Variants in DSCAM observed in about 807,000 individuals in gnomAD.
DSCAM encodes the protein cell adhesion molecule DSCAM.
DSCAM carries 47 observed loss-of-function variants against 217.7 expected under a neutral mutation model. That is an observed-to-expected ratio of 0.22 (90% CI 0.17 to 0.28). The LOEUF is 0.28. DSCAM is among the 10% of genes least tolerant of loss of function. The probability of loss-of-function intolerance (pLI) is 1.00; values close to 1 mark genes in which losing one functional copy is unlikely to be tolerated. For synonymous variants in DSCAM, 1,056 were observed against 1,015.3 expected (o/e 1.04, Z -0.76); for missense variants, 2,080 against 2,618.3 (o/e 0.79, Z 4.49).
chr21:40,547,833 A>G (rs2146147796), intron 3 of DSCAM, among the ~76,000 whole-genome samples: 1 of 152,304 alleles, frequency 6.6e-6, no homozygotes, highest in South Asian at 2.1e-4. Context: ...GTTCCCTGGA[A>G]CAATGGAATG....
intron 3 of DSCAM, among the ~76,000 whole-genome samples, chr21:40,475,467 G>A (rs554137661): frequency 4.9e-4 from 74 of 152,308 alleles, no homozygotes; most frequent in Non-Finnish European, 1.0e-3. Flanking sequence ...TGTGACCTTC[G>A]TCCTGGCCTC....
intron 3 of DSCAM, among the ~76,000 whole-genome samples, chr21:40,666,631 C>T (rs1179904785): frequency 6.6e-6 from 1 of 152,176 alleles, no homozygotes; most frequent in Non-Finnish European, 1.5e-5. Flanking sequence ...GTAAAGCCCC[C>T]GGTGGTTGTT....
At position 40,240,349 on chromosome 21, in the gene DSCAM, GTTTT is replaced by G. The variant is rs749073872; in HGVS notation, c.2356+35744_2356+35747del. ...AGCTACTGCAGTAGCTTCCTCACTG[GTTTT>G]TTTTTTTTTTTTTTTTTTTTGCCTC... On this transcript the variant is annotated intron_variant, in intron 11 of 32. Transcript: ENST00000400454. 1.0e-3 allele frequency among the ~76,000 whole-genome samples: 59 copies of G among 57,728 alleles called. 1 individual carries two copies. Among genetic ancestry groups the G allele is most frequent in the African/African-American group, 2.1e-3 (27 of 12,990 alleles). 37.9% of individuals were successfully genotyped at this position (57,728 alleles called of 152,430 possible).
intron 3 of DSCAM, among the ~76,000 whole-genome samples, chr21:40,554,307 G>C (rs1168788120): frequency 6.6e-6 from 1 of 151,836 alleles, no homozygotes; most frequent in Non-Finnish European, 1.5e-5. Flanking sequence ...GTCTTACTTA[G>C]GTGCAAGATC....
chr21:40,267,057 A>T (rs2070065382), intron 11 of DSCAM, among the ~76,000 whole-genome samples: 1 of 151,820 alleles, frequency 6.6e-6, no homozygotes, highest in African/African-American at 2.4e-5. Flanking sequence ...TGAGGGATAG[A>T]AAACTATATA....
At chr21:40,038,936 A>G (rs1183835273) in intron 32 of DSCAM, among the ~76,000 whole-genome samples, 2 of 149,286 alleles carry the variant, frequency 1.3e-5, no homozygotes, top group South Asian at 2.1e-4. Flanking sequence ...CAAACGCCGC[A>G]TATTCTCACT....
intron 1 of DSCAM, among the ~76,000 whole-genome samples, chr21:40,790,180 CT>C (rs771986567): frequency 2.8e-3 from 355 of 125,382 alleles, no homozygotes; most frequent in East Asian, 4.3e-3. Context: ...TTCTTTCTTT[CT>C]TTTTTTTTTT....
chr21:40,574,154 T>G lies in DSCAM; in HGVS notation c.508+118656A>C, dbSNP rs556552558. ...TTTCTGAGACTGCACGACCCAGATA[T>G]TAAACCTACAAAAAACATTATAAGT... On this transcript the variant is annotated intron_variant, in intron 3 of 32. Transcript: ENST00000400454. 4.1e-4 allele frequency among the ~76,000 whole-genome samples: 63 copies of G among 152,112 alleles called. 1 individual carries two copies. In the South Asian group the frequency reaches 7.5e-3, roughly 18 times the overall value.
At chr21:40,266,106 C>G (rs961481646) in intron 11 of DSCAM, among the ~76,000 whole-genome samples, 1 of 151,956 alleles carries the variant, frequency 6.6e-6, no homozygotes, top group Non-Finnish European at 1.5e-5. Flanking sequence ...ATTATGCATC[C>G]GACAAAGTAC....
Position 40,829,045 on chromosome 21 carries a change from G to A in DSCAM, c.43+17574C>T, listed in dbSNP as rs184054720. Among the ~76,000 whole-genome samples, 388 of 152,296 alleles carry A rather than the reference G, an allele frequency of 2.5e-3. 1 individual carries two copies. Among genetic ancestry groups the A allele is most frequent in the African/African-American group, 8.7e-3 (360 of 41,562 alleles). ...CCTGTCCTACTCCCCTGGGCTGTGG[G>A]AATACTTGAATGCAACACTGCTGTC... On this transcript the variant is annotated intron_variant, in intron 1 of 32. Transcript: ENST00000400454.
chr21:40,617,488 C>G (rs527528171), intron 3 of DSCAM, among the ~76,000 whole-genome samples: 17 of 152,276 alleles, frequency 1.1e-4, no homozygotes, highest in Admixed American at 6.5e-4. Context: ...CAATCTACCC[C>G]CTCCCAGCTC....
chr21:40,640,959 G>A (rs113028176), intron 3 of DSCAM, among the ~76,000 whole-genome samples: 2,752 of 152,120 alleles, frequency 0.018, 96 homozygotes, highest in African/African-American at 0.063. Context: ...TCCTACTTTC[G>A]GAAAGAAATA....
chr21:40,422,263 C>G (rs1411599745), intron 3 of DSCAM, among the ~76,000 whole-genome samples: 1 of 152,170 alleles, frequency 6.6e-6, no homozygotes, highest in Non-Finnish European at 1.5e-5. Flanking sequence ...AGGGCATATA[C>G]CCTAAAAGTC....
chr21:40,069,693 A>G (rs1236804787), intron 27 of DSCAM, among the ~76,000 whole-genome samples: 1 of 152,178 alleles, frequency 6.6e-6, no homozygotes, highest in Non-Finnish European at 1.5e-5. Context: ...ATTACCATCC[A>G]TCAAAAGGTT....
intron 23 of DSCAM, among the ~76,000 whole-genome samples, 155 bp downstream of exon 23, chr21:40,085,447 T>C (rs2089519325): frequency 6.6e-6 from 1 of 152,246 alleles, no homozygotes; most frequent in African/African-American, 2.4e-5. Context: ...TTTAATTATA[T>C]TTTGCAAAAT....
chr21:40,552,171 A>G (rs9976553), intron 3 of DSCAM, among the ~76,000 whole-genome samples: 127,232 of 151,964 alleles, frequency 0.84, 53,906 homozygotes, highest in East Asian at 0.99. Context: ...AAAATTAGCC[A>G]GGCATGGTGG....
intron 3 of DSCAM, among the ~76,000 whole-genome samples, chr21:40,672,674 A>G (rs182418931): frequency 6.6e-6 from 1 of 152,300 alleles, no homozygotes; most frequent in East Asian, 1.9e-4. Flanking sequence ...GGCTTTGCCT[A>G]TTATTAATGC....
chr21:40,545,448 G>A (rs889719131), intron 3 of DSCAM, among the ~76,000 whole-genome samples: 1 of 152,118 alleles, frequency 6.6e-6, no homozygotes, highest in East Asian at 1.9e-4. Context: ...CTTCCAGCAC[G>A]TTAAACAGCC....
intron 11 of DSCAM, among the ~76,000 whole-genome samples, chr21:40,201,698 C>T (rs765983283): frequency 6.6e-6 from 1 of 152,100 alleles, no homozygotes; most frequent in East Asian, 1.9e-4. Flanking sequence ...GCTTCGGCCT[C>T]CCAAATTGCT....
Sources: gnomAD v4.1 joint callset for allele counts (sites outside exome capture counted in the v4.1 genomes callset) on GRCh38, gnomAD v4.1.1 for gene constraint, MANE v1.5 for transcripts, NCBI Gene and HGNC (gene_info 2026-07-23, HGNC 2026-07-21) for gene names.